RFX4: variants seen among roughly 807,000 people sequenced by gnomAD.
RFX4 encodes transcription factor RFX4.
In RFX4, 10 loss-of-function variants were observed where a neutral mutation model predicts 95.0. The observed-to-expected ratio is 0.11, with a 90% CI of 0.06 to 0.18. The LOEUF is 0.18. Ranked by LOEUF, RFX4 falls within the 10% of genes least tolerant of loss-of-function variation. RFX4 has a pLI of 1.00. For synonymous variants in RFX4, 321 were observed against 340.7 expected (o/e 0.94, Z 0.64); for missense variants, 640 against 922.0 (o/e 0.69, Z 3.96).
chr12:106,589,413 T>A (rs2039507357), intron 1 of RFX4, among the ~76,000 whole-genome samples: 1 of 151,986 alleles, frequency 6.6e-6, no homozygotes. Context: ...AAAAATTGAG[T>A]CATTTTGGAG....
chr12:106,651,960 C>T (rs376118475), intron 3 of RFX4, among the ~76,000 whole-genome samples: 3 of 152,146 alleles, frequency 2.0e-5, no homozygotes, highest in African/African-American at 4.8e-5. Flanking sequence ...CAAGTTTGTA[C>T]GCGAGCTGGT....
At chr12:106,656,600 T>A (rs1758751897) in intron 4 of RFX4, among the ~76,000 whole-genome samples, 1 of 152,168 alleles carries the variant, frequency 6.6e-6, no homozygotes, top group African/African-American at 2.4e-5. Flanking sequence ...CAGTGGGGGC[T>A]TACTGGCCCT....
At chr12:106,644,639 G>C (rs897783567) in intron 3 of RFX4, among the ~76,000 whole-genome samples, 2 of 152,070 alleles carry the variant, frequency 1.3e-5, no homozygotes, top group Non-Finnish European at 2.9e-5. Context: ...GACACCGTGG[G>C]AGTGTTTCTT....
chr12:106,708,420 T>A lies in RFX4; in HGVS notation c.834-910T>A, dbSNP rs1229306416. On this transcript the variant is annotated intron_variant, in intron 8 of 17. Coordinates refer to ENST00000392842, the MANE Select transcript of RFX4 (RefSeq NM_213594.3). ...GGAGAGAGTTGGGGAATTGGAGGCG[T>A]AAGGGTCTTGAAGAAGGTTGGAGAT... 4.0e-5 allele frequency among the ~76,000 whole-genome samples: 6 copies of A among 151,194 alleles called. No individual in the cohort carries two copies. In the South Asian group the frequency reaches 1.3e-3, roughly 32 times the overall value.
At chr12:106,749,779 T>C (rs1208812565) in intron 16 of RFX4, among the ~76,000 whole-genome samples, 1 of 152,122 alleles carries the variant, frequency 6.6e-6, no homozygotes, top group East Asian at 1.9e-4. Flanking sequence ...AACAGGGTCA[T>C]GAAAGTCACA....
intron 8 of RFX4, among the ~76,000 whole-genome samples, chr12:106,703,076 T>C (rs1261719862): frequency 2.0e-5 from 3 of 152,216 alleles, no homozygotes; most frequent in Non-Finnish European, 2.9e-5. Context: ...TTAAAAGTGT[T>C]AGCAAAATTT....
At chr12:106,634,987 A>C (rs959455917) in intron 2 of RFX4, among the ~76,000 whole-genome samples, 1 of 152,268 alleles carries the variant, frequency 6.6e-6, no homozygotes, top group Admixed American at 6.5e-5. Flanking sequence ...TAGTTGGCAC[A>C]AATAAGATAT....
intron 3 of RFX4, among the ~76,000 whole-genome samples, chr12:106,650,047 G>T (rs1211929005): frequency 6.6e-6 from 1 of 152,114 alleles, no homozygotes; most frequent in Non-Finnish European, 1.5e-5. Context: ...GCCACTATGT[G>T]CCAGGCTTTG....
At chr12:106,643,407 A>G (rs2040676353) in intron 3 of RFX4, among the ~76,000 whole-genome samples, 1 of 152,224 alleles carries the variant, frequency 6.6e-6, no homozygotes, top group Admixed American at 6.5e-5. Context: ...GAGAGGCTAC[A>G]TAAGCAGTAG....
chr12:106,648,685 G>T (rs4964183), intron 3 of RFX4, among the ~76,000 whole-genome samples: 47,376 of 145,172 alleles, frequency 0.33, 8,665 homozygotes, highest in African/African-American at 0.5. Context: ...TGACATGTGT[G>T]CAAGAACTTG....
intron 17 of RFX4, among the ~76,000 whole-genome samples, chr12:106,755,156 G>A (rs1460442262): frequency 6.6e-6 from 1 of 152,224 alleles, no homozygotes; most frequent in Non-Finnish European, 1.5e-5. Context: ...GAGTGCAGCT[G>A]CGCAATCTTG....
intron 17 of RFX4, among the ~76,000 whole-genome samples, chr12:106,757,412 G>A (rs1390725166): frequency 6.6e-6 from 1 of 152,092 alleles, no homozygotes; most frequent in African/African-American, 2.4e-5. Context: ...TCTGGGAGTG[G>A]TGGCACATAC....
intron 8 of RFX4, among the ~76,000 whole-genome samples, chr12:106,698,557 G>A (rs1244938158): frequency 6.6e-6 from 1 of 152,070 alleles, no homozygotes; most frequent in Non-Finnish European, 1.5e-5. Context: ...TTGTTCAGAG[G>A]GTTTTATAGT....
chr12:106,590,554 T>C lies in RFX4; in HGVS notation c.43+7191T>C, dbSNP rs778238232. 2.4e-4 allele frequency among the ~76,000 whole-genome samples: 37 copies of C among 152,198 alleles called. 1 individual carries two copies. Among genetic ancestry groups the C allele is most frequent in the Non-Finnish European group, 2.6e-4 (18 of 68,040 alleles). On this transcript the variant is annotated intron_variant, in intron 1 of 17. Coordinates refer to ENST00000392842, the MANE Select transcript of RFX4 (RefSeq NM_213594.3). ...GCTTGGGAAGCAAGATCACTCTTAT[T>C]GTGTGTTCCTAACTTTCCTGAGGCA...
chr12:106,738,162 C>T (rs2042746472), intron 15 of RFX4, among the ~76,000 whole-genome samples: 1 of 152,272 alleles, frequency 6.6e-6, no homozygotes, highest in Non-Finnish European at 1.5e-5. Flanking sequence ...TAATCCTGCC[C>T]AAATATCCCT....
intron 4 of RFX4, among the ~76,000 whole-genome samples, chr12:106,658,457 G>A (rs1344569723): frequency 4.6e-5 from 7 of 152,120 alleles, no homozygotes; most frequent in Non-Finnish European, 1.0e-4. Context: ...CTCATTCTCA[G>A]CTATTAAAAA....
intron 1 of RFX4, chr12:106,601,267 C>A: frequency 6.3e-7 from 1 of 1,584,922 alleles, no homozygotes; most frequent in African/African-American, 1.3e-5. Context: ...CAGAAAGGGG[C>A]TGAGACAGAA....
chr12:106,621,179 A>C (rs2040179762), intron 2 of RFX4, among the ~76,000 whole-genome samples: 1 of 152,212 alleles, frequency 6.6e-6, no homozygotes, highest in Non-Finnish European at 1.5e-5. Flanking sequence ...TAAGAGGTTA[A>C]AGTAAAGACA....
At chr12:106,638,870 A>G (rs997885179) in intron 2 of RFX4, among the ~76,000 whole-genome samples, 16 of 152,266 alleles carry the variant, frequency 1.1e-4, no homozygotes, top group Middle Eastern at 3.4e-3. Flanking sequence ...CTCATGACTG[A>G]TCACTTCCTA....
Sources: gnomAD v4.1 joint callset for allele counts (sites outside exome capture counted in the v4.1 genomes callset) on GRCh38, gnomAD v4.1.1 for gene constraint, MANE v1.5 for transcripts, NCBI Gene and HGNC (gene_info 2026-07-23, HGNC 2026-07-21) for gene names.